GPR176: variants seen among roughly 807,000 people sequenced by gnomAD.
GPR176 encodes G-protein coupled receptor 176.
In GPR176, 26 loss-of-function variants were observed where a neutral mutation model predicts 35.4. The observed-to-expected ratio is 0.74, with a 90% CI of 0.54 to 1.02. The LOEUF is 1.02. Among genes scored for constraint, GPR176 ranks in the 50% least tolerant of loss-of-function variants. The pLI is 0.00. For synonymous variants in GPR176, 278 were observed against 271.3 expected (o/e 1.02, Z -0.24); for missense variants, 597 against 665.3 (o/e 0.90, Z 1.13).
chr15:39,817,807 G>C (rs561475526), intron 1 of GPR176, among the ~76,000 whole-genome samples: 34 of 152,348 alleles, frequency 2.2e-4, no homozygotes, highest in African/African-American at 8.2e-4. Flanking sequence ...GTTAAGCTCT[G>C]TGGAGCAGGG....
chr15:39,899,796 G>C (rs536504277), intron 1 of GPR176, among the ~76,000 whole-genome samples: 127 of 152,218 alleles, frequency 8.3e-4, no homozygotes, highest in African/African-American at 2.8e-3. Flanking sequence ...TCTTGACAAG[G>C]TGTTATCAAG....
At chr15:39,872,964 T>C (rs2032104342) in intron 1 of GPR176, among the ~76,000 whole-genome samples, 1 of 134,562 alleles carries the variant, frequency 7.4e-6, no homozygotes, top group Non-Finnish European at 1.6e-5. Context: ...TGTGTGTGTG[T>C]GTAATCATGA....
intron 2 of GPR176, 99 bp from the exon 3 acceptor site, chr15:39,802,353 T>G: frequency 2.1e-6 from 2 of 958,758 alleles, no homozygotes; most frequent in Middle Eastern, 3.2e-4. Flanking sequence ...AAAGGTCAAG[T>G]TCTTCTATTC....
chr15:39,887,690 A>C (rs1213905889), intron 1 of GPR176, among the ~76,000 whole-genome samples: 1 of 152,100 alleles, frequency 6.6e-6, no homozygotes, highest in Non-Finnish European at 1.5e-5. Flanking sequence ...CTAGAAGAAA[A>C]TCTCACCCGC....
intron 1 of GPR176, among the ~76,000 whole-genome samples, chr15:39,859,725 T>C (rs1281781643): frequency 6.6e-6 from 1 of 152,144 alleles, no homozygotes; most frequent in Non-Finnish European, 1.5e-5. Flanking sequence ...AGGCAAATAC[T>C]GTATGATCCC....
chr15:39,914,243 T>C (rs1165376796), intron 1 of GPR176, among the ~76,000 whole-genome samples: 1 of 151,880 alleles, frequency 6.6e-6, no homozygotes, highest in African/African-American at 2.4e-5. Context: ...ATTCAATATA[T>C]TAAGCTAGTA....
chr15:39,900,505 C>T (rs911183295), intron 1 of GPR176, among the ~76,000 whole-genome samples: 10 of 152,142 alleles, frequency 6.6e-5, no homozygotes, highest in Non-Finnish European at 1.2e-4. Flanking sequence ...AATAAGCAGA[C>T]CAAATGGAAG....
chr15:39,895,116 A>AG (rs1367389228), intron 1 of GPR176, among the ~76,000 whole-genome samples: 1 of 152,218 alleles, frequency 6.6e-6, no homozygotes, highest in Non-Finnish European at 1.5e-5. Context: ...GGTACTCGGC[A>AG]GGCTGAGTCA....
At chr15:39,909,998 G>T in intron 1 of GPR176, 1 of 369,020 alleles carries the variant, frequency 2.7e-6, no homozygotes, top group Non-Finnish European at 3.8e-6. Context: ...AGGAGGATCT[G>T]TTGTCTGCAA....
chr15:39,900,445 T>G (rs780923720), intron 1 of GPR176, among the ~76,000 whole-genome samples: 4 of 152,216 alleles, frequency 2.6e-5, no homozygotes, highest in Non-Finnish European at 5.9e-5. Flanking sequence ...ATTCATGCCT[T>G]GAAACAGTAC....
intron 1 of GPR176, among the ~76,000 whole-genome samples, chr15:39,851,027 A>C (rs903388714): frequency 4.6e-5 from 7 of 152,292 alleles, no homozygotes; most frequent in Admixed American, 3.3e-4. Flanking sequence ...TTGATAAATT[A>C]GCTGTGAAGA....
At chr15:39,877,790 G>A (rs2032308876) in intron 1 of GPR176, among the ~76,000 whole-genome samples, 1 of 151,980 alleles carries the variant, frequency 6.6e-6, no homozygotes, top group Non-Finnish European at 1.5e-5. Flanking sequence ...TCAAACTCCT[G>A]ACCTCAAGTG....
In GPR176 at chr15:39,885,131, T is replaced by A. The variant is rs150095116; in HGVS notation, c.172+34724A>T. Among the ~76,000 whole-genome samples the A allele has an allele frequency of 1.4e-3, 217 of 152,290 alleles. 1 individual carries two copies. The highest frequency in any genetic ancestry group is 4.9e-3 in the African/African-American group (205 of 41,554). ...CTTCACAATTGACTTATGTTACCCA[T>A]ATTTCCCCAAAAGGATTGATCACAC... is the stretch of plus-strand genomic sequence containing the variant. On this transcript the variant is annotated intron_variant, in intron 1 of 2. Coordinates refer to ENST00000561100, the MANE Select transcript of GPR176 (RefSeq NM_007223.3).
chr15:39,811,650 C>T (rs1202144663), intron 1 of GPR176, among the ~76,000 whole-genome samples: 1 of 152,150 alleles, frequency 6.6e-6, no homozygotes, highest in Non-Finnish European at 1.5e-5. Flanking sequence ...GGTGTGGTGG[C>T]TCACACCTGT....
intron 1 of GPR176, among the ~76,000 whole-genome samples, chr15:39,821,563 CA>C (rs1443466371): frequency 6.6e-6 from 1 of 152,038 alleles, no homozygotes; most frequent in African/African-American, 2.4e-5. Context: ...AGTAAGGAAA[CA>C]AAAGTGAGCA....
chr15:39,804,668 C>G (rs1899085852), intron 2 of GPR176, among the ~76,000 whole-genome samples: 1 of 149,898 alleles, frequency 6.7e-6, no homozygotes, highest in African/African-American at 2.4e-5. Context: ...TCACAATATC[C>G]AAAAAGTAGA....
chr15:39,807,483 G>A (rs1003015446), intron 1 of GPR176: 1 of 1,216,624 alleles, frequency 8.2e-7, no homozygotes, highest in Non-Finnish European at 1.1e-6. Flanking sequence ...TTTTAGTGGT[G>A]AGTTTCTCTA....
At chr15:39,917,280 C>T (rs1260808405) in intron 1 of GPR176, among the ~76,000 whole-genome samples, 1 of 150,398 alleles carries the variant, frequency 6.6e-6, no homozygotes, top group Non-Finnish European at 1.5e-5. Context: ...AAGAGCGAAA[C>T]TCCGTCTCAA....
At chr15:39,895,055 C>A (rs965212654) in intron 1 of GPR176, among the ~76,000 whole-genome samples, 1 of 152,244 alleles carries the variant, frequency 6.6e-6, no homozygotes, top group African/African-American at 2.4e-5. Context: ...ATAGCGAAAC[C>A]CGGTCTCCAC....
Sources: gnomAD v4.1 joint callset for allele counts (sites outside exome capture counted in the v4.1 genomes callset) on GRCh38, gnomAD v4.1.1 for gene constraint, MANE v1.5 for transcripts, NCBI Gene and HGNC (gene_info 2026-07-23, HGNC 2026-07-21) for gene names.